Variants in IMMP2L observed in about 807,000 individuals in gnomAD.
IMMP2L encodes inner mitochondrial membrane peptidase subunit 2.
In IMMP2L, 18 loss-of-function variants were observed where a neutral mutation model predicts 19.3. The observed-to-expected ratio is 0.93, with a 90% CI of 0.64 to 1.38. The LOEUF (loss-of-function observed/expected upper bound fraction) is 1.38. Among genes scored for constraint, IMMP2L ranks in the 40% most tolerant of loss-of-function variants. The pLI, the probability that IMMP2L is intolerant of heterozygous loss-of-function variation, is 0.00. For synonymous variants in IMMP2L, 76 were observed against 73.0 expected (o/e 1.04, Z -0.21); for missense variants, 233 against 218.2 (o/e 1.07, Z -0.43).
chr7:110,743,514 A>G (rs1257555039), intron 5 of IMMP2L, among the ~76,000 whole-genome samples: 1 of 151,748 alleles, frequency 6.6e-6, no homozygotes, highest in African/African-American at 2.4e-5. Context: ...GGTCTTAGCA[A>G]CAGCTCTAGT....
At chr7:110,827,288 C>A (rs1471212276) in intron 5 of IMMP2L, among the ~76,000 whole-genome samples, 1 of 152,108 alleles carries the variant, frequency 6.6e-6, no homozygotes, top group Non-Finnish European at 1.5e-5. Flanking sequence ...CAAACCTAGG[C>A]ATTCTAACCC....
intron 3 of IMMP2L, among the ~76,000 whole-genome samples, chr7:111,188,377 C>T (rs1242290091): frequency 2.0e-5 from 3 of 152,114 alleles, no homozygotes; most frequent in Admixed American, 6.5e-5. Flanking sequence ...TGAGGGCTCT[C>T]TTCCAGTTTG....
At chr7:111,381,128 G>T (rs1203785042) in intron 3 of IMMP2L, among the ~76,000 whole-genome samples, 1 of 151,916 alleles carries the variant, frequency 6.6e-6, no homozygotes, top group Admixed American at 6.6e-5. Flanking sequence ...ATATTTCTAG[G>T]AAGTACATTA....
chr7:111,116,581 A>C (rs1186727374), intron 3 of IMMP2L, among the ~76,000 whole-genome samples: 1 of 152,200 alleles, frequency 6.6e-6, no homozygotes, highest in Admixed American at 6.5e-5. Flanking sequence ...ACAGGACATT[A>C]ACAATCAACT....
chr7:111,121,307 G>A (rs1046449486), intron 3 of IMMP2L, among the ~76,000 whole-genome samples: 1 of 152,118 alleles, frequency 6.6e-6, no homozygotes. Flanking sequence ...TCTGTAGGTT[G>A]CCTGTTCGCT....
chr7:110,952,266 G>C (rs912433777), intron 4 of IMMP2L, among the ~76,000 whole-genome samples: 3 of 152,166 alleles, frequency 2.0e-5, no homozygotes, highest in Non-Finnish European at 2.9e-5. Context: ...AATTGAGCCA[G>C]CAGTAAAGAA....
At chr7:111,069,283 G>A (rs1794757962) in intron 3 of IMMP2L, among the ~76,000 whole-genome samples, 1 of 152,142 alleles carries the variant, frequency 6.6e-6, no homozygotes, top group Non-Finnish European at 1.5e-5. Context: ...TGACTTCCAT[G>A]GGCAAGCTGC....
chr7:111,009,990 G>T (rs1173790344), intron 3 of IMMP2L, among the ~76,000 whole-genome samples: 4 of 152,080 alleles, frequency 2.6e-5, no homozygotes, highest in Non-Finnish European at 5.9e-5. Context: ...CAGTGTCCCT[G>T]CTACTAAACA....
chr7:110,959,484 A>G (rs980269549), intron 4 of IMMP2L, among the ~76,000 whole-genome samples: 1 of 151,976 alleles, frequency 6.6e-6, no homozygotes, highest in African/African-American at 2.4e-5. Context: ...ACCCCTTAAC[A>G]TTTGACATTG....
intron 5 of IMMP2L, among the ~76,000 whole-genome samples, chr7:110,818,538 T>C (rs1389500581): frequency 2.0e-5 from 3 of 151,710 alleles, no homozygotes; most frequent in Non-Finnish European, 4.4e-5. Flanking sequence ...AGTTCAACCA[T>C]TGTGGAAGTT....
intron 3 of IMMP2L, among the ~76,000 whole-genome samples, chr7:111,026,449 C>G (rs1826830054): frequency 6.6e-6 from 1 of 152,010 alleles, no homozygotes; most frequent in African/African-American, 2.4e-5. Flanking sequence ...ACTATTTGCC[C>G]TCAAATGCCA....
intron 1 of IMMP2L, among the ~76,000 whole-genome samples, chr7:111,527,236 C>G (rs556880199): frequency 1.3e-5 from 2 of 152,060 alleles, no homozygotes; most frequent in African/African-American, 4.8e-5. Context: ...CTGAGCAACA[C>G]AGCAAGACTT....
chr7:111,145,891 C>T (rs1196580735), intron 3 of IMMP2L, among the ~76,000 whole-genome samples: 1 of 152,046 alleles, frequency 6.6e-6, no homozygotes, highest in African/African-American at 2.4e-5. Flanking sequence ...AAGGCAAATG[C>T]TAAAAGTCAG....
chr7:110,794,600 A>G (rs1022804656), intron 5 of IMMP2L, among the ~76,000 whole-genome samples: 14 of 152,198 alleles, frequency 9.2e-5, no homozygotes, highest in Admixed American at 3.9e-4. Context: ...AAAAACCAAT[A>G]AGACAAAACA....
intron 3 of IMMP2L, among the ~76,000 whole-genome samples, chr7:111,239,605 T>A (rs1267686632): frequency 6.6e-6 from 1 of 151,974 alleles, no homozygotes; most frequent in Non-Finnish European, 1.5e-5. Context: ...AATATCAACC[T>A]GATAAGACCA....
intron 3 of IMMP2L, among the ~76,000 whole-genome samples, chr7:111,020,825 T>C (rs1370963695): frequency 6.6e-6 from 1 of 152,166 alleles, no homozygotes; most frequent in Non-Finnish European, 1.5e-5. Context: ...AGTCTCCAAC[T>C]ATTATTGTTG....
intron 4 of IMMP2L, among the ~76,000 whole-genome samples, chr7:110,902,355 C>T (rs1290885497): frequency 6.7e-6 from 1 of 150,070 alleles, no homozygotes; most frequent in Non-Finnish European, 1.5e-5. Flanking sequence ...AACCCAGATA[C>T]CTAAAAGCCT....
intron 5 of IMMP2L, among the ~76,000 whole-genome samples, chr7:110,806,314 T>A (rs551456347): frequency 1.3e-5 from 2 of 152,004 alleles, no homozygotes; most frequent in African/African-American, 4.8e-5. Context: ...AATTTTTCAA[T>A]ATGTTCAATG....
intron 3 of IMMP2L, among the ~76,000 whole-genome samples, chr7:111,326,215 C>T (rs1584637954): frequency 6.6e-6 from 1 of 151,604 alleles, no homozygotes; most frequent in East Asian, 1.9e-4. Flanking sequence ...CATCATAATA[C>T]CTCAATTGAG....
Sources: gnomAD v4.1 joint callset for allele counts (sites outside exome capture counted in the v4.1 genomes callset) on GRCh38, gnomAD v4.1.1 for gene constraint, MANE v1.5 for transcripts, NCBI Gene and HGNC (gene_info 2026-07-23, HGNC 2026-07-21) for gene names.